HIPK2: variants seen among roughly 807,000 people sequenced by gnomAD.
HIPK2 encodes homeodomain-interacting protein kinase 2.
A neutral mutation model predicts 113.7 loss-of-function variants in HIPK2; 27 were observed. That is an observed-to-expected ratio of 0.24 (90% CI 0.17 to 0.33). The LOEUF (loss-of-function observed/expected upper bound fraction) is 0.33. Ranked by LOEUF, HIPK2 falls within the 10% of genes least tolerant of loss-of-function variation. HIPK2 has a pLI of 1.00. For missense variants in HIPK2, 1,257 were observed against 1,588.0 expected (o/e 0.79, Z 3.54); for synonymous variants, 631 against 642.2 (o/e 0.98, Z 0.26).
In HIPK2 at chr7:139,631,699, G is replaced by A; in HGVS notation, c.1130C>T (p.Pro377Leu). 6.2e-7 allele frequency: 1 copy of A among 1,613,852 alleles called. No homozygotes were observed. The highest frequency in any genetic ancestry group is 1.1e-5 in the South Asian group (1 of 91,058). ...CCACATGTCAATTGCCTCACAAAATGGTAAACCAAGGATGATCTCAGGGGC... is the reference window on the plus strand; with the variant it reads ...CCACATGTCAATTGCCTCACAAAATAGTAAACCAAGGATGATCTCAGGGGC... ...YRAPEIILGLPFCEAIDMWSL... is the reference protein window; with the variant it reads ...YRAPEIILGLLFCEAIDMWSL... Residue 377 changes from proline (P) to leucine (L), a missense_variant, in exon 3 of 15, where the codon CCA (proline) becomes CTA (leucine). Coordinates refer to ENST00000406875, the MANE Select transcript of HIPK2 (RefSeq NM_022740.5). This position sits in a 1 kb window ranked among gnomAD's most constrained non-coding sequence, Gnocchi z 4.9.
At position 139,572,792 on chromosome 7, in the gene HIPK2, C is replaced by CCCCCCCCCTT; in HGVS notation, c.*134_*135insAAGGGGGGGG. 5.4e-6 allele frequency: 1 copy of CCCCCCCCCTT among 183,674 alleles called. No individual in the cohort carries two copies. The highest frequency in any genetic ancestry group is 1.0e-5 in the Non-Finnish European group (1 of 97,446). 11.4% of individuals were successfully genotyped at this position (183,674 alleles called of 1,614,324 possible). On this transcript the variant is annotated 3_prime_UTR_variant, in exon 15 of 15. Coordinates refer to ENST00000406875, the MANE Select transcript of HIPK2 (RefSeq NM_022740.5). ...CCCCCCCCCCCCCCCGCCCCTGCCCCGTTTGCATTGTTTGTGTGCGGCATC... is the reference window on the plus strand; with the variant it reads ...CCCCCCCCCCCCCCCGCCCCTGCCCCCCCCCCCCTTGTTTGCATTGTTTGTGTGCGGCATC...
chr7:139,716,896 G>C lies in HIPK2; in HGVS notation c.139C>G (p.His47Asp). ...SNWDMTGYGS[H>D]SKVYSQSKNI... ...TTGCTCTGGCTATACACTTTGCTGT[G>C]GGAGCCGTACCCAGTCATGTCCCAG... The change falls in exon 2 of 15, where the codon CAC becomes GAC. Residue 47 changes from histidine to aspartate, a missense_variant. Coordinates refer to ENST00000406875, the MANE Select transcript of HIPK2 (RefSeq NM_022740.5). This position sits in a 1 kb window ranked among gnomAD's most constrained non-coding sequence, Gnocchi z 9.3. 6.2e-7 allele frequency: 1 copy of C among 1,613,894 alleles called. No homozygotes were observed. Among genetic ancestry groups the C allele is most frequent in the Non-Finnish European group, 8.5e-7 (1 of 1,179,880 alleles).
intron 2 of HIPK2, among the ~76,000 whole-genome samples, chr7:139,691,779 G>A (rs986015294): frequency 6.6e-6 from 1 of 152,230 alleles, no homozygotes; most frequent in Non-Finnish European, 1.5e-5. Context: ...CTGTGCAAGT[G>A]GGGATGAAAC....
At position 139,600,588 on chromosome 7, in the gene HIPK2, T is replaced by C; in HGVS notation, c.2264A>G (p.His755Arg). ...TQQLADWRNT[H>R]AHGSHYNPIM... is the part of the protein sequence containing the mutation. ...GGGATTATAATGGCTTCCGTGAGCATGCGTATTTCTGAAAGGCAACCGGGA... is the reference window on the plus strand; with the variant it reads ...GGGATTATAATGGCTTCCGTGAGCACGCGTATTTCTGAAAGGCAACCGGGA... Residue 755 changes from histidine (H) to arginine (R), a missense_variant, in exon 11 of 15, where the codon CAT (histidine) becomes CGT (arginine). By Grantham distance (29) the His-to-Arg change is conservative. Coordinates refer to ENST00000406875, the MANE Select transcript of HIPK2 (RefSeq NM_022740.5). The C allele has an allele frequency of 6.2e-7, 1 of 1,613,836 alleles. No homozygotes were observed. The highest frequency in any genetic ancestry group is 8.5e-7 in the Non-Finnish European group (1 of 1,179,760).
intron 1 of HIPK2, among the ~76,000 whole-genome samples, chr7:139,745,285 C>T (rs1796171061): frequency 6.6e-6 from 1 of 152,162 alleles, no homozygotes; most frequent in Non-Finnish European, 1.5e-5. Context: ...AAAGTCCCAC[C>T]AGGGTGCGAC....
chr7:139,640,325 A>G (rs1238589250), intron 2 of HIPK2, among the ~76,000 whole-genome samples: 1 of 152,188 alleles, frequency 6.6e-6, no homozygotes, highest in Non-Finnish European at 1.5e-5. Flanking sequence ...GCACACACTG[A>G]GAAGCATTCC....
Position 139,762,208 on chromosome 7 carries a change from T to C in HIPK2, c.19+15397A>G, listed in dbSNP as rs544965786. On this transcript the variant is annotated intron_variant, in intron 1 of 14. Transcript: ENST00000406875. ...GAACAACCCCCAAGTTGGAACTTCA[T>C]TGCTTAGATGATTCTCTGACAAATC... 1.3e-4 allele frequency among the ~76,000 whole-genome samples: 20 copies of C among 152,332 alleles called. No individual in the cohort carries two copies. In the South Asian group the frequency reaches 3.1e-3, roughly 24 times the overall value.
intron 2 of HIPK2, among the ~76,000 whole-genome samples, chr7:139,705,538 A>G (rs1010185899): frequency 1.3e-5 from 2 of 152,052 alleles, no homozygotes; most frequent in Non-Finnish European, 2.9e-5. Context: ...CAACACGCCC[A>G]GCTGATTTTT....
chr7:139,712,073 T>C (rs1271897379), intron 2 of HIPK2, among the ~76,000 whole-genome samples: 2 of 152,206 alleles, frequency 1.3e-5, no homozygotes, highest in Non-Finnish European at 2.9e-5. Flanking sequence ...AGGAGATTCC[T>C]GTGCACAGTA....
rs1037687677 is a variant in HIPK2 at position 139,565,062 on chromosome 7, G to A, written c.*7865C>T. ...GTAATCATTATTTTCAGCCCACAGA[G>A]AATTCATAGTCTTTAAATTCCAAGA... On this transcript the variant is annotated 3_prime_UTR_variant, in exon 15 of 15. Coordinates refer to ENST00000406875, the MANE Select transcript of HIPK2 (RefSeq NM_022740.5). 7.2e-5 allele frequency: 11 copies of A among 152,104 alleles called. No individual in the cohort carries two copies. The highest frequency in any genetic ancestry group is 2.7e-4 in the African/African-American group (11 of 41,418). 9.4% of individuals were successfully genotyped at this position (152,104 alleles called of 1,614,324 possible). A position where few individuals can be genotyped will look rare whatever the true frequency, so the allele number is the denominator to read the frequency against.
intron 2 of HIPK2, among the ~76,000 whole-genome samples, chr7:139,704,514 ACAC>A (rs1359519120): frequency 6.7e-6 from 1 of 150,314 alleles, no homozygotes; most frequent in East Asian, 1.9e-4. Flanking sequence ...ACACACACAC[ACAC>A]CCCAACACAC....
chr7:139,673,101 C>CT (rs10701208), intron 2 of HIPK2, among the ~76,000 whole-genome samples: 2,431 of 143,612 alleles, frequency 0.017, 22 homozygotes, highest in African/African-American at 0.02. Flanking sequence ...GTGGTTAGAA[C>CT]TTTTTTTTTT....
chr7:139,613,245 G>C lies in HIPK2; in HGVS notation c.2069C>G (p.Pro690Arg). 6.2e-7 allele frequency: 1 copy of C among 1,613,864 alleles called. No individual in the cohort carries two copies. Among genetic ancestry groups the C allele is most frequent in the South Asian group, 1.1e-5 (1 of 91,038 alleles). Residue 690 changes from proline to arginine, a missense_variant, in exon 9 of 15, where the codon CCA (proline) becomes CGA (arginine). Physicochemically the swap from Pro to Arg is moderately radical, Grantham distance 103. Transcript: ENST00000406875. The surrounding 1 kb of genome is among the most constrained non-coding windows in gnomAD (Gnocchi z 4.2). ...ENAVPIVTQA[P>R]GAQPLQIQPG... ...TTGGATCTGAAGAGGCTGAGCTCCTGGGGCTTGAGTGACGATGGGAACTGC... is the reference window on the plus strand; with the variant it reads ...TTGGATCTGAAGAGGCTGAGCTCCTCGGGCTTGAGTGACGATGGGAACTGC...
intron 2 of HIPK2, among the ~76,000 whole-genome samples, chr7:139,703,903 C>T (rs1438665116): frequency 3.7e-5 from 5 of 135,286 alleles, no homozygotes; most frequent in Non-Finnish European, 6.2e-5. Flanking sequence ...GCAACACATA[C>T]TACACCCAAC....
chr7:139,572,764 G>T lies in HIPK2; in HGVS notation c.*163C>A, dbSNP rs1435125517. On this transcript the variant is annotated 3_prime_UTR_variant, in exon 15 of 15. Coordinates refer to ENST00000406875, the MANE Select transcript of HIPK2 (RefSeq NM_022740.5). ...GTCCCGACCCGTCCCCCTGCCCTCT[G>T]CCCCCCCCCCCCCCCCCGCCCCTGC... 316 of 29,578 alleles carry T rather than the reference G, an allele frequency of 0.011. 59 individuals carry two copies. The highest frequency in any genetic ancestry group is 0.06 in the South Asian group (57 of 944). The allele number at this position is 29,578 out of a possible 1,614,324, so 1.8% of individuals were successfully genotyped here. A position where few individuals can be genotyped will look rare whatever the true frequency, so the allele number is the denominator to read the frequency against.
At chr7:139,651,448 G>A (rs770688947) in intron 2 of HIPK2, among the ~76,000 whole-genome samples, 12 of 152,164 alleles carry the variant, frequency 7.9e-5, no homozygotes, top group Non-Finnish European at 2.9e-5. Flanking sequence ...CAAAAGCTCT[G>A]GCAACTCTGG....
intron 2 of HIPK2, among the ~76,000 whole-genome samples, chr7:139,667,392 T>A (rs956214260): frequency 7.9e-5 from 12 of 152,240 alleles, no homozygotes; most frequent in African/African-American, 2.7e-4. Context: ...TTTTAAGGAA[T>A]GAGATCATCA....
chr7:139,736,441 C>G (rs371042403), intron 1 of HIPK2, among the ~76,000 whole-genome samples: 4 of 152,306 alleles, frequency 2.6e-5, no homozygotes, highest in Non-Finnish European at 4.4e-5. Context: ...TCGCACACAC[C>G]AGTGTCAGGG....
intron 2 of HIPK2, among the ~76,000 whole-genome samples, chr7:139,695,777 C>T (rs1794545582): frequency 6.6e-6 from 1 of 152,176 alleles, no homozygotes; most frequent in African/African-American, 2.4e-5. Context: ...AAGCATGACT[C>T]AGGGATGAAA....
Sources: allele counts gnomAD v4.1 joint callset (sites outside exome capture counted in the v4.1 genomes callset), GRCh38; gene constraint gnomAD v4.1.1; non-coding constraint Gnocchi (gnomAD v3.1); transcripts MANE v1.5; gene names NCBI Gene and HGNC (gene_info 2026-07-23, HGNC 2026-07-21).